Variants in NCKAP5 observed in about 807,000 individuals in gnomAD.
NCKAP5 encodes the protein nck-associated protein 5.
NCKAP5 carries 92 observed loss-of-function variants against 167.0 expected under a neutral mutation model. The ratio of observed to expected loss-of-function variants is 0.55; its 90% CI spans 0.47 to 0.66. The LOEUF is 0.66. Ranked by LOEUF, NCKAP5 falls within the 30% of genes least tolerant of loss-of-function variation. The pLI, the probability that NCKAP5 is intolerant of heterozygous loss-of-function variation, is 0.00. For synonymous variants in NCKAP5, 891 were observed against 877.4 expected (o/e 1.02, Z -0.27); for missense variants, 2,378 against 2,315.0 (o/e 1.03, Z -0.56).
intron 3 of NCKAP5, among the ~76,000 whole-genome samples, chr2:133,485,647 G>A (rs1265837821): frequency 6.6e-6 from 1 of 152,114 alleles, no homozygotes; most frequent in Non-Finnish European, 1.5e-5. Flanking sequence ...GCCACAAAAT[G>A]AACTATTAAC....
At chr2:133,072,796 A>C (rs1167179149) in intron 6 of NCKAP5, among the ~76,000 whole-genome samples, 1 of 152,162 alleles carries the variant, frequency 6.6e-6, no homozygotes, top group Non-Finnish European at 1.5e-5. Context: ...AAATTGAACC[A>C]AGTCACGTTT....
chr2:133,059,052 C>T (rs1376791266), intron 6 of NCKAP5, among the ~76,000 whole-genome samples: 2 of 152,170 alleles, frequency 1.3e-5, no homozygotes, highest in Non-Finnish European at 2.9e-5. Flanking sequence ...GTAATCCCAG[C>T]ACTTTGGGAG....
intron 3 of NCKAP5, among the ~76,000 whole-genome samples, chr2:133,383,850 G>A (rs1279820407): frequency 2.0e-5 from 3 of 152,180 alleles, no homozygotes; most frequent in Non-Finnish European, 2.9e-5. Context: ...TCTGTTGGCT[G>A]CATAAATGTC....
intron 2 of NCKAP5, among the ~76,000 whole-genome samples, chr2:133,518,839 C>G (rs888731210): frequency 1.3e-5 from 2 of 152,148 alleles, no homozygotes; most frequent in Admixed American, 1.3e-4. Flanking sequence ...CATTTAAAAA[C>G]AGTTAACCTG....
chr2:132,732,900 T>C (rs148961495), intron 16 of NCKAP5, among the ~76,000 whole-genome samples: 2 of 152,304 alleles, frequency 1.3e-5, no homozygotes, highest in East Asian at 3.9e-4. Flanking sequence ...TAACACCACT[T>C]ATCATGTGGA....
intron 6 of NCKAP5, among the ~76,000 whole-genome samples, chr2:133,017,876 C>T (rs1257737904): frequency 6.6e-6 from 1 of 152,148 alleles, no homozygotes; most frequent in African/African-American, 2.4e-5. Flanking sequence ...TCCCCTGCTA[C>T]TTAATTTCTT....
At chr2:133,561,763 A>G (rs76791226) in intron 1 of NCKAP5, among the ~76,000 whole-genome samples, 5,025 of 152,320 alleles carry the variant, frequency 0.033, 131 homozygotes, top group East Asian at 0.12. Context: ...ACTTGAGAAT[A>G]TAACTACTCA....
chr2:132,753,687 T>C (rs2104804797), intron 16 of NCKAP5, among the ~76,000 whole-genome samples: 1 of 152,244 alleles, frequency 6.6e-6, no homozygotes, highest in East Asian at 1.9e-4. Flanking sequence ...AGCAAGGGTT[T>C]TGAGGGAATG....
intron 3 of NCKAP5, among the ~76,000 whole-genome samples, chr2:133,408,357 T>C (rs906076459): frequency 6.6e-6 from 1 of 152,190 alleles, no homozygotes; most frequent in Non-Finnish European, 1.5e-5. Flanking sequence ...TATATGTTTT[T>C]TCAACTCTCT....
chr2:133,515,738 C>A (rs1003693860), intron 3 of NCKAP5, among the ~76,000 whole-genome samples: 1 of 152,224 alleles, frequency 6.6e-6, no homozygotes, highest in African/African-American at 2.4e-5. Flanking sequence ...AGCATTGACA[C>A]TGTTTCCCTT....
chr2:133,367,467 A>T (rs933612308), intron 3 of NCKAP5, among the ~76,000 whole-genome samples: 22 of 152,212 alleles, frequency 1.4e-4, no homozygotes, highest in African/African-American at 5.3e-4. Flanking sequence ...CCACTACTGT[A>T]CCACCCAACA....
At chr2:132,925,425 G>C (rs920780547) in intron 8 of NCKAP5, among the ~76,000 whole-genome samples, 4 of 151,934 alleles carry the variant, frequency 2.6e-5, no homozygotes, top group Non-Finnish European at 5.9e-5. Flanking sequence ...AGCCGGGCAT[G>C]GTGGCAGGCA....
intron 4 of NCKAP5, among the ~76,000 whole-genome samples, chr2:133,252,322 C>T (rs1448506902): frequency 1.3e-5 from 2 of 152,202 alleles, no homozygotes; most frequent in Non-Finnish European, 2.9e-5. Flanking sequence ...AATCCATCTG[C>T]TCATGTTCGT....
chr2:133,490,749 C>T (rs779331429), intron 3 of NCKAP5, among the ~76,000 whole-genome samples: 3 of 152,168 alleles, frequency 2.0e-5, no homozygotes, highest in Non-Finnish European at 2.9e-5. Context: ...CTGGACAGAA[C>T]GAGGCAGACC....
the NCKAP5 span, among the ~76,000 whole-genome samples, chr2:133,645,902 C>T: frequency 6.6e-6 from 1 of 151,538 alleles, no homozygotes; most frequent in East Asian, 1.9e-4. Flanking sequence ...TTTACCATAT[C>T]TCTTTTGGTT....
chr2:133,126,133 A>G (rs1308504464), intron 6 of NCKAP5, among the ~76,000 whole-genome samples: 1 of 152,162 alleles, frequency 6.6e-6, no homozygotes, highest in East Asian at 1.9e-4. Flanking sequence ...TGAATCACTC[A>G]TCCTGACACC....
the NCKAP5 span, among the ~76,000 whole-genome samples, chr2:133,584,929 C>CA: frequency 1.2e-5 from 1 of 85,114 alleles, no homozygotes; most frequent in African/African-American, 4.2e-5. Flanking sequence ...CTGTTCTTGC[C>CA]AAAAAAAAGA....
chr2:133,289,558 A>G (rs1679412871), intron 4 of NCKAP5, among the ~76,000 whole-genome samples: 1 of 152,064 alleles, frequency 6.6e-6, no homozygotes. Flanking sequence ...ACTGGCCAAC[A>G]TGGTGGAACC....
rs201946783 is a variant in NCKAP5 at position 133,156,755 on chromosome 2, A to G, written c.208-26644T>C. Among the ~76,000 whole-genome samples the G allele has an allele frequency of 5.9e-5, 9 of 152,014 alleles. No homozygotes were observed. In the East Asian group the frequency reaches 1.7e-3, roughly 29 times the overall value. On this transcript the variant is annotated intron_variant, in intron 5 of 19. Transcript: ENST00000409261. ...CTCCTAACCTGCTTCCTTGCCTCCAATCTCCCTGTTCTCTAATCCATCTTA... is the reference window on the plus strand; with the variant it reads ...CTCCTAACCTGCTTCCTTGCCTCCAGTCTCCCTGTTCTCTAATCCATCTTA...
Sources: gnomAD v4.1 joint callset for allele counts (sites outside exome capture counted in the v4.1 genomes callset) on GRCh38, gnomAD v4.1.1 for gene constraint, MANE v1.5 for transcripts, NCBI Gene and HGNC (gene_info 2026-07-23, HGNC 2026-07-21) for gene names.